PCSK5: variants seen among roughly 807,000 people sequenced by gnomAD.
The protein encoded by PCSK5 is prohormone convertase 5.
Under a neutral mutation model 233.2 loss-of-function variants are expected in PCSK5, and 129 were observed. The observed-to-expected ratio is 0.55, with a 90% CI of 0.48 to 0.64. PCSK5 has a LOEUF of 0.64. Among genes scored for constraint, PCSK5 ranks in the 30% least tolerant of loss-of-function variants. The pLI is 0.00. For synonymous variants in PCSK5, 825 were observed against 879.2 expected (o/e 0.94, Z 1.09); for missense variants, 2,076 against 2,430.1 (o/e 0.85, Z 3.06).
intron 2 of PCSK5, among the ~76,000 whole-genome samples, chr9:75,972,671 C>T (rs1825857075): frequency 1.3e-5 from 2 of 152,064 alleles, no homozygotes; most frequent in African/African-American, 4.8e-5. Context: ...TGATTTAGCT[C>T]TCTGCTTGTC....
At chr9:75,910,064 A>G (rs1822658242) in intron 1 of PCSK5, among the ~76,000 whole-genome samples, 2 of 152,238 alleles carry the variant, frequency 1.3e-5, no homozygotes, top group East Asian at 1.9e-4. Flanking sequence ...CACGATAGAT[A>G]TATAACATGA....
intron 24 of PCSK5, among the ~76,000 whole-genome samples, chr9:76,282,046 T>C (rs982262436): frequency 1.3e-4 from 19 of 148,604 alleles, no homozygotes; most frequent in African/African-American, 4.8e-4. Flanking sequence ...CTGGAAAGGA[T>C]GCACCATTTT....
At chr9:76,233,676 AG>A (rs1391218756) in intron 22 of PCSK5, 80 bp downstream of exon 22, 2 of 1,344,118 alleles carry the variant, frequency 1.5e-6, no homozygotes, top group African/African-American at 2.9e-5. Flanking sequence ...TTGACCCAAA[AG>A]CCTTGTGTCT....
chr9:75,969,198 G>A (rs137908221), intron 2 of PCSK5, among the ~76,000 whole-genome samples: 120 of 152,300 alleles, frequency 7.9e-4, no homozygotes, highest in African/African-American at 2.7e-3. Context: ...TGATCTGGAT[G>A]CCAGTTCTCA....
chr9:76,329,694 G>A (rs1294785025), intron 33 of PCSK5, among the ~76,000 whole-genome samples: 2 of 151,900 alleles, frequency 1.3e-5, no homozygotes, highest in East Asian at 1.9e-4. Context: ...TTAGCCAGGT[G>A]TGGTGGTGGG....
At chr9:76,106,055 A>T (rs1831966507) in intron 8 of PCSK5, among the ~76,000 whole-genome samples, 1 of 152,176 alleles carries the variant, frequency 6.6e-6, no homozygotes, top group South Asian at 2.1e-4. Context: ...AAATTTAACT[A>T]ATTTTCACAC....
At chr9:76,148,916 G>A (rs572167242) in intron 10 of PCSK5, among the ~76,000 whole-genome samples, 36 of 152,228 alleles carry the variant, frequency 2.4e-4, no homozygotes, top group Non-Finnish European at 4.4e-4. Flanking sequence ...AAATCCAGCC[G>A]TGCATTCCAG....
chr9:76,266,988 A>G (rs1366198118), intron 24 of PCSK5, among the ~76,000 whole-genome samples: 8 of 152,244 alleles, frequency 5.3e-5, no homozygotes, highest in Admixed American at 2.0e-4. Context: ...AGAGGTGCTA[A>G]TAAGGAAAAA....
rs58504698 is a variant in PCSK5 at position 75,897,489 on chromosome 9, C to CTTTT, written c.192+6132_192+6135dup. Among the ~76,000 whole-genome samples, 31 of 119,612 alleles carry CTTTT rather than the reference C, an allele frequency of 2.6e-4. No individual in the cohort carries two copies. In the South Asian group the frequency reaches 2.7e-3, roughly 11 times the overall value. The allele number at this position is 119,612 out of a possible 152,430, so 78.5% of individuals were successfully genotyped here. The stretch of plus-strand genomic sequence containing the variant: ...GAGGTTGCAAGATTTTCTTTCTTTT[C>CTTTT]TTTTTTTTTTTTTTTTTTTCCCGAA... On this transcript the variant is annotated intron_variant, in intron 1 of 37. Coordinates refer to ENST00000674117, the MANE Select transcript of PCSK5 (RefSeq NM_001372043.1).
intron 12 of PCSK5, among the ~76,000 whole-genome samples, chr9:76,168,110 A>G (rs959932603): frequency 2.0e-5 from 3 of 152,082 alleles, no homozygotes; most frequent in African/African-American, 7.2e-5. Flanking sequence ...TCTTTGGGAT[A>G]TTTATTTGGG....
chr9:76,017,402 CT>C (rs1376698261), intron 3 of PCSK5, among the ~76,000 whole-genome samples: 1 of 152,110 alleles, frequency 6.6e-6, no homozygotes, highest in Non-Finnish European at 1.5e-5. Context: ...GGCTTTGCCC[CT>C]ATATAGGTGC....
intron 15 of PCSK5, among the ~76,000 whole-genome samples, chr9:76,180,104 T>TATATATACACAC: frequency 6.9e-6 from 1 of 144,940 alleles, no homozygotes; most frequent in African/African-American, 2.6e-5. Flanking sequence ...TATATATATA[T>TATATATACACAC]ACACACACAC....
In PCSK5 at chr9:75,891,070, TGCGGCGGCCCGGGGCTGCTCGCCGGGCG is replaced by T; in HGVS notation, c.-108_-81del. The T allele has an allele frequency of 9.8e-7, 1 of 1,017,310 alleles. No homozygotes were observed. Among genetic ancestry groups the T allele is most frequent in the Non-Finnish European group, 1.3e-6 (1 of 764,208 alleles). The allele number at this position is 1,017,310 out of a possible 1,614,324, so 63.0% of individuals were successfully genotyped here. A position where few individuals can be genotyped will look rare whatever the true frequency, so the allele number is the denominator to read the frequency against. On this transcript the variant is annotated 5_prime_UTR_variant, in exon 1 of 38. Coordinates refer to ENST00000674117, the MANE Select transcript of PCSK5 (RefSeq NM_001372043.1). ...CTGCCGATCGCCCGGGGCTGCGAGC[TGCGGCGGCCCGGGGCTGCTCGCCGGGCG>T]GCGCAGGCCGGAGAAGTTAGTTGTG...
At chr9:76,296,989 A>C in intron 27 of PCSK5, 124 bp downstream of exon 27, 1 of 667,114 alleles carries the variant, frequency 1.5e-6, no homozygotes. Context: ...AAGAGTTTGG[A>C]GTGAGAATCA....
chr9:75,890,633 CG>C (rs1825546958), upstream of PCSK5: 1 of 152,566 alleles, frequency 6.6e-6, no homozygotes, highest in Non-Finnish European at 1.5e-5. Context: ...TTAAGGGGGG[CG>C]GGGGAAGTCA....
rs1488463805 is a variant in PCSK5, at chr9:75,945,732, C to T, written c.297+13249C>T. On this transcript the variant is annotated intron_variant, in intron 2 of 37. Transcript: ENST00000674117. The stretch of plus-strand genomic sequence containing the variant: ...GTCTTTGACACACCTCCTTTTTGCT[C>T]ATCACACTTGGCCATATCTCTGTCT... Among the ~76,000 whole-genome samples, 5 of 152,072 alleles carry T rather than the reference C, an allele frequency of 3.3e-5. No individual in the cohort carries two copies. In the East Asian group the frequency reaches 9.6e-4, roughly 29 times the overall value.
chr9:75,922,002 A>T (rs4552981), intron 1 of PCSK5, among the ~76,000 whole-genome samples: 87,958 of 152,020 alleles, frequency 0.58, 27,238 homozygotes, highest in African/African-American at 0.78. Flanking sequence ...GTTGACACCA[A>T]GGGGTTGGCA....
At chr9:76,208,273 A>G (rs1825199217) in intron 20 of PCSK5, among the ~76,000 whole-genome samples, 1 of 152,276 alleles carries the variant, frequency 6.6e-6, no homozygotes, top group South Asian at 2.1e-4. Context: ...ATGAGCTAAC[A>G]ATGCTGCCAA....
At chr9:76,027,429 TCC>T (rs762629524) in intron 5 of PCSK5, among the ~76,000 whole-genome samples, 1 of 152,092 alleles carries the variant, frequency 6.6e-6, no homozygotes, top group Admixed American at 6.5e-5. Flanking sequence ...GCATTTGAGG[TCC>T]CTACCTGAGC....
Sources: gnomAD v4.1 joint callset for allele counts (sites outside exome capture counted in the v4.1 genomes callset) on GRCh38, gnomAD v4.1.1 for gene constraint, MANE v1.5 for transcripts, NCBI Gene and HGNC (gene_info 2026-07-23, HGNC 2026-07-21) for gene names.